SPAG16: variants seen among roughly 807,000 people sequenced by gnomAD.
SPAG16 encodes sperm associated antigen 16, also known as sperm-associated antigen 16 protein.
Under a neutral mutation model 80.4 loss-of-function variants are expected in SPAG16, and 86 were observed. The observed-to-expected ratio is 1.07, with a 90% CI of 0.90 to 1.28. The LOEUF is 1.28. Ranked by LOEUF, SPAG16 falls within the 50% of genes most tolerant of loss-of-function variation. SPAG16 has a pLI of 0.00. For synonymous variants in SPAG16, 294 were observed against 265.9 expected (o/e 1.11, Z -1.03); for missense variants, 870 against 765.3 (o/e 1.14, Z -1.61).
At chr2:213,392,142 A>G (rs1285644522) in intron 9 of SPAG16, among the ~76,000 whole-genome samples, 1 of 152,220 alleles carries the variant, frequency 6.6e-6, no homozygotes, top group Non-Finnish European at 1.5e-5. Flanking sequence ...AAGGAGAGAA[A>G]GGTTTCCTCT....
At chr2:213,663,548 C>G (rs576301127) in intron 10 of SPAG16, among the ~76,000 whole-genome samples, 1 of 152,090 alleles carries the variant, frequency 6.6e-6, no homozygotes, top group Admixed American at 6.6e-5. Context: ...ATTATAATCA[C>G]TAAAACTTTT....
chr2:213,468,375 C>T (rs576622214), intron 9 of SPAG16, among the ~76,000 whole-genome samples: 5 of 142,642 alleles, frequency 3.5e-5, no homozygotes, highest in Admixed American at 2.1e-4. Context: ...ATATCTCTCT[C>T]TATATATATA....
intron 6 of SPAG16, among the ~76,000 whole-genome samples, chr2:213,348,540 G>A (rs1303154631): frequency 6.6e-6 from 1 of 152,104 alleles, no homozygotes; most frequent in African/African-American, 2.4e-5. Flanking sequence ...CATGTTTAGT[G>A]CTTCCTTCAG....
intron 9 of SPAG16, among the ~76,000 whole-genome samples, chr2:213,412,741 A>G (rs1303128313): frequency 6.6e-6 from 1 of 152,180 alleles, no homozygotes; most frequent in Non-Finnish European, 1.5e-5. Context: ...TCACAGGGGC[A>G]ATGAAGAAAA....
intron 15 of SPAG16, among the ~76,000 whole-genome samples, chr2:214,162,342 C>T (rs373649659): frequency 6.6e-6 from 1 of 151,976 alleles, no homozygotes; most frequent in African/African-American, 2.4e-5. Context: ...TTCCATTGAC[C>T]ATAAGAAGGT....
intron 10 of SPAG16, among the ~76,000 whole-genome samples, chr2:213,828,106 C>T (rs916632527): frequency 3.9e-5 from 6 of 151,968 alleles, no homozygotes; most frequent in East Asian, 1.9e-4. Flanking sequence ...TTTTCTACCC[C>T]GTCTCTCTCT....
chr2:213,302,505 A>G (rs1046558430), intron 3 of SPAG16: 1 of 152,044 alleles, frequency 6.6e-6, no homozygotes. Flanking sequence ...TTCATGTTTA[A>G]TTCCCAGCAC....
In SPAG16 at chr2:214,019,780, A is replaced by C. The variant is rs75350161; in HGVS notation, c.1527+5703A>C. On this transcript the variant is annotated intron_variant, in intron 13 of 15. Coordinates refer to ENST00000331683, the MANE Select transcript of SPAG16 (RefSeq NM_024532.5). ...CCTCTCTCTTTTATCCCTCAGCCAT[A>C]TTTGATTTAGTAATGTTTACTGGAG... 9.8e-3 allele frequency among the ~76,000 whole-genome samples: 1,489 copies of C among 152,128 alleles called. 26 individuals are homozygous for C. The highest frequency in any genetic ancestry group is 0.033 in the African/African-American group (1,366 of 41,520).
chr2:214,228,270 TAATTC>T (rs1688417202), intron 15 of SPAG16, among the ~76,000 whole-genome samples: 1 of 151,976 alleles, frequency 6.6e-6, no homozygotes. Context: ...ATTTAAATCA[TAATTC>T]AATATGCATA....
intron 9 of SPAG16, among the ~76,000 whole-genome samples, chr2:213,421,243 C>T (rs530295722): frequency 3.9e-5 from 6 of 151,978 alleles, no homozygotes; most frequent in African/African-American, 1.4e-4. Context: ...CACTTTGGGG[C>T]AGAGCAAAGT....
chr2:213,872,316 T>A (rs1230852421), intron 11 of SPAG16, among the ~76,000 whole-genome samples: 1 of 145,530 alleles, frequency 6.9e-6, no homozygotes. Flanking sequence ...CCTCCAGAAC[T>A]GTAAGAGAGT....
chr2:214,308,721 C>T (rs865780667), intron 15 of SPAG16, among the ~76,000 whole-genome samples: 1 of 152,038 alleles, frequency 6.6e-6, no homozygotes. Flanking sequence ...GGCCCCCATT[C>T]TCTTCTGGCT....
chr2:214,014,874 A>G (rs2047506184), intron 13 of SPAG16, among the ~76,000 whole-genome samples: 1 of 152,144 alleles, frequency 6.6e-6, no homozygotes, highest in African/African-American at 2.4e-5. Context: ...AATTCCTCAT[A>G]AGGGGTTACA....
At chr2:214,079,506 AAGTTTGGATTCC>A (rs1372977721) in intron 13 of SPAG16, among the ~76,000 whole-genome samples, 1 of 152,218 alleles carries the variant, frequency 6.6e-6, no homozygotes, top group African/African-American at 2.4e-5. Context: ...CCATGTTAGA[AAGTTTGGATTCC>A]AGAGAAGGCA....
chr2:213,543,650 C>T (rs1381830857), intron 10 of SPAG16, among the ~76,000 whole-genome samples: 1 of 151,872 alleles, frequency 6.6e-6, no homozygotes, highest in African/African-American at 2.4e-5. Context: ...TATCCTGTTC[C>T]ACTGGTCACT....
Position 214,091,124 on chromosome 2 carries a change from C to T in SPAG16, c.1528-17072C>T, listed in dbSNP as rs115583734. Among the ~76,000 whole-genome samples the T allele has an allele frequency of 9.0e-3, 1,372 of 152,206 alleles. 23 individuals carry two copies. The highest frequency in any genetic ancestry group is 0.031 in the African/African-American group (1,296 of 41,566). ...CCCTCTATTCCCTACTTCAATCCCACTGAGCTAACCAGTGCTAATTAACAA... is the reference window on the plus strand; with the variant it reads ...CCCTCTATTCCCTACTTCAATCCCATTGAGCTAACCAGTGCTAATTAACAA... On this transcript the variant is annotated intron_variant, in intron 13 of 15. Coordinates refer to ENST00000331683, the MANE Select transcript of SPAG16 (RefSeq NM_024532.5).
At chr2:213,994,070 T>A (rs989185563) in intron 12 of SPAG16, among the ~76,000 whole-genome samples, 17 of 152,316 alleles carry the variant, frequency 1.1e-4, no homozygotes, top group Admixed American at 6.5e-5. Context: ...AATTTGAGAA[T>A]AATTAGTGTG....
Position 213,965,635 on chromosome 2 carries a change from G to A in SPAG16, c.1400+35490G>A, listed in dbSNP as rs373122459. The stretch of plus-strand genomic sequence containing the variant: ...AGCGTTTCAATTTTTACTATCGTAT[G>A]GCTATAAACCTCCACTTAATTGCTT... On this transcript the variant is annotated intron_variant, in intron 12 of 15. Transcript: ENST00000331683. Among the ~76,000 whole-genome samples the A allele has an allele frequency of 8.5e-5, 13 of 152,234 alleles. No individual in the cohort carries two copies. In the East Asian group the frequency reaches 2.3e-3, roughly 27 times the overall value.
intron 15 of SPAG16, among the ~76,000 whole-genome samples, chr2:214,389,365 A>G (rs1700936448): frequency 6.6e-6 from 1 of 152,234 alleles, no homozygotes; most frequent in Admixed American, 6.5e-5. Flanking sequence ...ATTTTCCAGC[A>G]GGAGACTCTA....
Sources: gnomAD v4.1 joint callset for allele counts (sites outside exome capture counted in the v4.1 genomes callset) on GRCh38, gnomAD v4.1.1 for gene constraint, MANE v1.5 for transcripts, NCBI Gene and HGNC (gene_info 2026-07-23, HGNC 2026-07-21) for gene names.